Variants in PCDHA8 observed in about 807,000 individuals in gnomAD.
PCDHA8 encodes the protein protocadherin alpha 8, also known as protocadherin alpha-8.
In PCDHA8, 53 loss-of-function variants were observed where a neutral mutation model predicts 61.8. The ratio of observed to expected loss-of-function variants is 0.86; its 90% CI spans 0.69 to 1.08. The LOEUF is 1.08. PCDHA8 is among the 50% of genes least tolerant of loss of function. PCDHA8 has a pLI of 0.00. For synonymous variants in PCDHA8, 618 were observed against 556.6 expected (o/e 1.11, Z -1.55); for missense variants, 1,293 against 1,245.0 (o/e 1.04, Z -0.58).
chr5:140,989,722 A>C (rs1472933877), intron 3 of PCDHA8, among the ~76,000 whole-genome samples: 1 of 152,224 alleles, frequency 6.6e-6, no homozygotes, highest in African/African-American at 2.4e-5. Context: ...TCAGCTTTGC[A>C]GTTGAAAAGG....
At chr5:140,882,991 AT>A (rs1554176407) in intron 1 of PCDHA8, 2 of 1,614,112 alleles carry the variant, frequency 1.2e-6, no homozygotes, top group Non-Finnish European at 1.7e-6. Flanking sequence ...ACGCCCCGGA[AT>A]TTTACCAATC....
At chr5:140,871,564 C>A (rs782409405) in intron 1 of PCDHA8, 7 of 1,482,594 alleles carry the variant, frequency 4.7e-6, no homozygotes, top group Non-Finnish European at 6.3e-6. Context: ...TTTTTTTTCA[C>A]GGATTTTTTA....
intron 1 of PCDHA8, among the ~76,000 whole-genome samples, chr5:140,900,319 C>T (rs1032725241): frequency 3.3e-5 from 5 of 152,046 alleles, no homozygotes; most frequent in Non-Finnish European, 7.3e-5. Flanking sequence ...CTTTTGTCGC[C>T]CAGGCTGGAG....
intron 1 of PCDHA8, among the ~76,000 whole-genome samples, chr5:140,932,720 G>A (rs868927369): frequency 6.6e-5 from 10 of 151,848 alleles, no homozygotes; most frequent in Non-Finnish European, 1.5e-5. Flanking sequence ...CAATAATATT[G>A]TATAATATAG....
chr5:141,000,805 G>C (rs1049253262), intron 3 of PCDHA8, among the ~76,000 whole-genome samples: 2 of 151,852 alleles, frequency 1.3e-5, no homozygotes, highest in Non-Finnish European at 2.9e-5. Context: ...TACTCAGAAG[G>C]CTGAGGTGGG....
In PCDHA8 at chr5:140,858,699, A is replaced by T; in HGVS notation, c.2394+14984A>T. ...GAATACACTAATATTTTCCAATACAAATATGTGATATAGGTTGCAGTTCTG... is the reference window on the plus strand; with the variant it reads ...GAATACACTAATATTTTCCAATACATATATGTGATATAGGTTGCAGTTCTG... On this transcript the variant is annotated intron_variant, in intron 1 of 3. Coordinates refer to ENST00000531613, the MANE Select transcript of PCDHA8 (RefSeq NM_018911.3). 3.6e-6 allele frequency: 2 copies of T among 561,894 alleles called. 1 individual carries two copies. The highest frequency in any genetic ancestry group is 6.1e-6 in the Non-Finnish European group (2 of 326,852). 34.8% of individuals were successfully genotyped at this position (561,894 alleles called of 1,614,324 possible).
At chr5:140,850,389 A>T in intron 1 of PCDHA8, 1 of 1,597,864 alleles carries the variant, frequency 6.3e-7, no homozygotes, top group South Asian at 1.1e-5. Context: ...GGGCGAGATC[A>T]GCACAACGCG....
chr5:141,000,395 C>CTCTCTATA (rs1213762225), intron 3 of PCDHA8, among the ~76,000 whole-genome samples: 1 of 53,986 alleles, frequency 1.9e-5, no homozygotes, highest in Non-Finnish European at 3.2e-5. Flanking sequence ...CTCTCTCTCT[C>CTCTCTATA]TATATATATA....
At chr5:140,864,170 G>A (rs1301709115) in intron 1 of PCDHA8, 1 of 152,166 alleles carries the variant, frequency 6.6e-6, no homozygotes, top group Non-Finnish European at 1.5e-5. Context: ...TTACCGGAAG[G>A]ATCATGATGA....
Position 141,010,389 on chromosome 5 carries a change from G to A in PCDHA8, c.*452G>A. The A allele has an allele frequency of 1.4e-6, 2 of 1,400,314 alleles. No individual in the cohort carries two copies. Among genetic ancestry groups the A allele is most frequent in the Non-Finnish European group, 1.9e-6 (2 of 1,052,510 alleles). The allele number at this position is 1,400,314 out of a possible 1,614,324, so 86.7% of individuals were successfully genotyped here. ...TATGCGAGTGCCAGATATTGGCTGA[G>A]ACGAGCCAGCTTAGACTAATTGGTA... On this transcript the variant is annotated 3_prime_UTR_variant, in exon 4 of 4. Coordinates refer to ENST00000531613, the MANE Select transcript of PCDHA8 (RefSeq NM_018911.3).
intron 1 of PCDHA8, 21 bp downstream of exon 1, chr5:140,843,736 A>G: frequency 6.5e-7 from 1 of 1,547,470 alleles, no homozygotes; most frequent in African/African-American, 1.4e-5. Context: ...TTAAATTTAG[A>G]ACTCATAAAT....
chr5:140,843,463 G>A lies in PCDHA8; in HGVS notation c.2142G>A (p.Thr714=). The change falls in exon 1 of 4, where the codon ACG becomes ACA. Residue 714 remains threonine, a synonymous_variant. Transcript: ENST00000531613. ...CGGTATCCAGCCTGCTGGTGCTCAC[G>A]CTGCTGCTGTACACTGCGCTGCGGT... ...ICAVSSLLVL[T]LLLYTALRCS... is the part of the protein sequence containing the mutation. 1.9e-6 allele frequency: 3 copies of A among 1,596,032 alleles called. No individual in the cohort carries two copies. The highest frequency in any genetic ancestry group is 2.6e-6 in the Non-Finnish European group (3 of 1,165,630).
chr5:141,000,173 C>T (rs2097895007), intron 3 of PCDHA8, among the ~76,000 whole-genome samples: 1 of 151,968 alleles, frequency 6.6e-6, no homozygotes, highest in Non-Finnish European at 1.5e-5. Flanking sequence ...ATTATTGAGC[C>T]AAGGAGTCAA....
chr5:140,858,219 C>A (rs1554151292), intron 1 of PCDHA8: 2 of 1,595,768 alleles, frequency 1.3e-6, no homozygotes, highest in Non-Finnish European at 8.6e-7. Flanking sequence ...TGCTCGGCGG[C>A]GCCCACCGAG....
intron 1 of PCDHA8, chr5:140,858,303 G>A: frequency 6.3e-7 from 1 of 1,597,370 alleles, no homozygotes; most frequent in South Asian, 1.1e-5. Context: ...TCGCAGCAGA[G>A]GCGGCAGAGG....
chr5:140,870,987 C>A, intron 1 of PCDHA8: 1 of 1,613,452 alleles, frequency 6.2e-7, no homozygotes, highest in Non-Finnish European at 8.5e-7. Flanking sequence ...TGTACACGGG[C>A]GAGATAAGCA....
chr5:141,010,341 T>G lies in PCDHA8; in HGVS notation c.*404T>G, dbSNP rs199826290. The stretch of plus-strand genomic sequence containing the variant: ...GAGCAGCTTGGGAGTTTGTGGCCAC[T>G]GGGTATGTGTGGCTACCGCGGGTAT... On this transcript the variant is annotated 3_prime_UTR_variant, in exon 4 of 4. Transcript: ENST00000531613. The G allele has an allele frequency of 4.0e-6, 6 of 1,503,220 alleles. No individual in the cohort carries two copies. Among genetic ancestry groups the G allele is most frequent in the Non-Finnish European group, 4.5e-6 (5 of 1,119,592 alleles). The allele number at this position is 1,503,220 out of a possible 1,614,324, so 93.1% of individuals were successfully genotyped here.
rs200850648 is a variant in PCDHA8, at chr5:140,842,182, T to A, written c.861T>A (p.Thr287=). The A allele has an allele frequency of 6.2e-7, 1 of 1,613,440 alleles. No individual in the cohort carries two copies. Among genetic ancestry groups the A allele is most frequent in the Non-Finnish European group, 8.5e-7 (1 of 1,179,708 alleles). The change falls in exon 1 of 4, where the codon ACT becomes ACA. Residue 287 remains threonine, a synonymous_variant. Transcript: ENST00000531613. ...ATTCTTTTAATAGCCTTGTTGAAAC[T>A]ATGGTTATTGACCACTTTAGCATAG... ...ISYSFNSLVE[T]MVIDHFSIDR... is the part of the protein sequence containing the mutation.
At chr5:140,884,143 G>T in intron 1 of PCDHA8, 1 of 1,613,438 alleles carries the variant, frequency 6.2e-7, no homozygotes. Flanking sequence ...TCCGCGTGGG[G>T]CTGTACACTG....
Sources: gnomAD v4.1 joint callset for allele counts (sites outside exome capture counted in the v4.1 genomes callset) on GRCh38, gnomAD v4.1.1 for gene constraint, MANE v1.5 for transcripts, NCBI Gene and HGNC (gene_info 2026-07-23, HGNC 2026-07-21) for gene names.